Variants in RET observed in about 807,000 individuals in gnomAD.
The protein encoded by RET is proto-oncogene tyrosine-protein kinase receptor Ret.
Under a neutral mutation model 118.3 loss-of-function variants are expected in RET, and 19 were observed. The observed-to-expected ratio is 0.16, with a 90% CI of 0.11 to 0.24. The LOEUF (loss-of-function observed/expected upper bound fraction) is 0.24, where lower values mean the gene tolerates loss of function less well. RET is among the 10% of genes least tolerant of loss of function. The pLI is 1.00. For missense variants in RET, 1,219 were observed against 1,502.1 expected, an observed-to-expected ratio of 0.81 and a Z score of 3.12; for synonymous variants, 597 against 644.1, an observed-to-expected ratio of 0.93 and a Z score of 1.11.
chr10:43,082,452 G>C (rs1408909816), intron 1 of RET, among the ~76,000 whole-genome samples: 5 of 152,220 alleles, frequency 3.3e-5, no homozygotes, highest in Non-Finnish European at 5.9e-5. Context: ...GTGGACCAGC[G>C]GGCATAGGCT....
intron 2 of RET, among the ~76,000 whole-genome samples, chr10:43,101,222 A>T (rs1837635712): frequency 6.7e-6 from 1 of 150,174 alleles, no homozygotes; most frequent in Non-Finnish European, 1.5e-5. Flanking sequence ...AGTCACGGCC[A>T]CATGTGACAT....
rs1432751223 is a variant in RET, at chr10:43,105,073, G to A, written c.747G>A (p.Ala249=). 4 of 1,610,642 alleles carry A rather than the reference G, an allele frequency of 2.5e-6. No homozygotes were observed. The highest frequency in any genetic ancestry group is 1.1e-5 in the South Asian group (1 of 91,008). Residue 249 remains alanine, a synonymous_variant, in exon 4 of 20, where the codon GCG becomes GCA. Transcript: ENST00000355710. The stretch of plus-strand genomic sequence containing the variant: ...CCGTGTGCACCGTGCACGCCGGCGC[G>A]CGCGAGGAGGTGGTGATGGTGCCCT... The part of the protein sequence containing the change: ...LVAVCTVHAG[A]REEVVMVPFP...
intron 3 of RET, chr10:43,102,865 G>A: frequency 1.7e-6 from 1 of 600,602 alleles, no homozygotes; most frequent in Non-Finnish European, 2.9e-6. Flanking sequence ...TCATTCTTGT[G>A]GGGCAGACAG....
In RET at chr10:43,102,569, C is replaced by G. The variant is rs1210452561; in HGVS notation, c.565C>G (p.Arg189Gly). 3.7e-6 allele frequency: 6 copies of G among 1,614,118 alleles called. No individual in the cohort carries two copies. Among genetic ancestry groups the G allele is most frequent in the Non-Finnish European group, 5.1e-6 (6 of 1,180,056 alleles). Residue 189 changes from arginine to glycine, a missense_variant, in exon 3 of 20, where the codon CGC becomes GGC. Coordinates refer to ENST00000355710, the MANE Select transcript of RET (RefSeq NM_020975.6). Reference sequence around the variant, plus strand: ...ACCCCCAGGCACCTTCCACCAGTTCCGCCTGCTGCCTGTGCAGTTCTTGTG... The same window carrying G: ...ACCCCCAGGCACCTTCCACCAGTTCGGCCTGCTGCCTGTGCAGTTCTTGTG... ...NRPPGTFHQF[R>G]LLPVQFLCPN...
intron 5 of RET, among the ~76,000 whole-genome samples, chr10:43,107,308 C>T (rs1326234128): frequency 1.3e-5 from 2 of 152,210 alleles, no homozygotes; most frequent in Admixed American, 6.5e-5. Flanking sequence ...GCCTCCTTGC[C>T]CTGGCACTGA....
intron 1 of RET, among the ~76,000 whole-genome samples, chr10:43,081,425 G>T (rs1454578341): frequency 6.6e-6 from 1 of 152,236 alleles, no homozygotes; most frequent in African/African-American, 2.4e-5. Flanking sequence ...GCTGTCTCAT[G>T]GCAGGGAGAG....
At chr10:43,113,058 C>T in intron 9 of RET, 95 bp downstream of exon 9, 1 of 951,082 alleles carries the variant, frequency 1.1e-6, no homozygotes, top group Admixed American at 1.9e-5. Context: ...CCAGGGCTGT[C>T]AGTTCTATGC....
chr10:43,101,015 A>T (rs1211545247), intron 2 of RET, among the ~76,000 whole-genome samples: 2 of 152,166 alleles, frequency 1.3e-5, no homozygotes, highest in Non-Finnish European at 2.9e-5. Flanking sequence ...AAGGATTAGG[A>T]GGTTTCGAGA....
At chr10:43,113,503 G>C in intron 9 of RET, 53 bp from the exon 10 acceptor site, 1 of 1,554,958 alleles carries the variant, frequency 6.4e-7, no homozygotes, top group Non-Finnish European at 8.7e-7. Context: ...AAATATGGGC[G>C]CCTGGGGTGG....
At position 43,114,581 on chromosome 10, in the gene RET, C is replaced by T. The variant is rs2132848583; in HGVS notation, c.1981C>T (p.His661Tyr). 1 of 1,612,772 alleles carries T rather than the reference C, an allele frequency of 6.2e-7. No individual in the cohort carries two copies. Among genetic ancestry groups the T allele is most frequent in the Non-Finnish European group, 8.5e-7 (1 of 1,180,002 alleles). ...GTCTGCCTTCTGCATCCACTGCTAC[C>T]ACAAGTTTGCCCACAAGCCACCCAT... The part of the protein sequence containing the change: ...LLSAFCIHCY[H>Y]KFAHKPPISS... The change falls in exon 11 of 20, where the codon CAC (histidine) becomes TAC (tyrosine). Residue 661 changes from histidine to tyrosine, a missense_variant. Transcript: ENST00000355710. The surrounding 1 kb of genome is among the most constrained non-coding windows in gnomAD (Gnocchi z 4.6).
At chr10:43,094,201 C>T (rs3128726) in intron 1 of RET, among the ~76,000 whole-genome samples, 1 of 151,500 alleles carries the variant, frequency 6.6e-6, no homozygotes, top group African/African-American at 2.4e-5. Context: ...CGGGGACCGC[C>T]TCTTTCCACC....
At position 43,104,965 on chromosome 10, in the gene RET, C is replaced by G; in HGVS notation, c.639C>G (p.Pro213=). 6.4e-7 allele frequency: 1 copy of G among 1,569,294 alleles called. No individual in the cohort carries two copies. Among genetic ancestry groups the G allele is most frequent in the South Asian group, 1.2e-5 (1 of 86,864 alleles). The change falls in exon 4 of 20, where the codon CCC becomes CCG. Residue 213 remains proline (P), a synonymous_variant. Transcript: ENST00000355710. ...CTTGGTGCGCAGGTGAGGGTCTGCCCTTCCGCTGCGCCCCGGACAGCCTGG... is the reference window on the plus strand; with the variant it reads ...CTTGGTGCGCAGGTGAGGGTCTGCCGTTCCGCTGCGCCCCGGACAGCCTGG... The part of the protein sequence containing the change: ...AYRLLEGEGL[P]FRCAPDSLEV...
Position 43,113,559 on chromosome 10 carries a change from G to T in RET, c.1763G>T (p.Gly588Val). ...INICPQDCLR[G>V]SIVGGHEPGE... ...AGTGGGCTACGTCTGCCCTCAGGGG[G>T]CAGCATTGTTGGGGGACACGAGCCT... The change falls in exon 10 of 20, where the codon GGC (glycine) becomes GTC (valine). Residue 588 changes from glycine (G) to valine (V), a missense_variant. By Grantham distance (109) the Gly-to-Val change is moderately radical. Coordinates refer to ENST00000355710, the MANE Select transcript of RET (RefSeq NM_020975.6). 2 of 1,606,932 alleles carry T rather than the reference G, an allele frequency of 1.2e-6. No homozygotes were observed. Among genetic ancestry groups the T allele is most frequent in the Non-Finnish European group, 1.7e-6 (2 of 1,177,830 alleles).
chr10:43,098,421 CTTTT>C (rs36075879), intron 1 of RET, among the ~76,000 whole-genome samples: 3 of 129,778 alleles, frequency 2.3e-5, no homozygotes, highest in Non-Finnish European at 3.2e-5. Flanking sequence ...GATTTTCCTC[CTTTT>C]TTTTTTTTTT....
intron 16 of RET, among the ~76,000 whole-genome samples, 178 bp downstream of exon 16, chr10:43,122,194 C>A (rs558584657): frequency 6.6e-6 from 1 of 152,146 alleles, no homozygotes; most frequent in South Asian, 2.1e-4. Context: ...ATGATGTGTT[C>A]GTGAGGCAAA....
chr10:43,095,992 G>A (rs934083940), intron 1 of RET, among the ~76,000 whole-genome samples: 16 of 152,168 alleles, frequency 1.1e-4, no homozygotes, highest in African/African-American at 3.4e-4. Context: ...TTGCACCGTC[G>A]GTGGGTGTGG....
intron 3 of RET, among the ~76,000 whole-genome samples, chr10:43,103,547 A>C (rs910860160): frequency 2.6e-5 from 4 of 152,178 alleles, no homozygotes; most frequent in African/African-American, 9.7e-5. Context: ...GTGGGGCTCA[A>C]CCAGGTCACA....
At position 43,100,718 on chromosome 10, in the gene RET, C is replaced by G. The variant is rs772779267; in HGVS notation, c.333C>G (p.Val111=). Residue 111 remains valine, a synonymous_variant, in exon 2 of 20, where the codon GTC becomes GTG. Coordinates refer to ENST00000355710, the MANE Select transcript of RET (RefSeq NM_020975.6). The part of the protein sequence containing the change: ...LDHSSWEKLS[V]RNRGFPLLTV... ...ATAGCTCCTGGGAGAAGCTCAGTGT[C>G]CGCAGTAAGGGAGCCGCCCCAACAC... is the stretch of plus-strand genomic sequence containing the variant. 3.8e-5 allele frequency: 60 copies of G among 1,597,698 alleles called. No homozygotes were observed. The highest frequency in any genetic ancestry group is 4.9e-5 in the Non-Finnish European group (57 of 1,172,704).
At chr10:43,104,921 C>G (rs778290150) in intron 3 of RET, 31 bp from the exon 4 acceptor site, 176 of 1,546,366 alleles carry the variant, frequency 1.1e-4, no homozygotes, top group Admixed American at 1.5e-4. Context: ...GGCTGGTGAT[C>G]ACGCGGGGCC....
Sources: gnomAD v4.1 joint callset for allele counts (sites outside exome capture counted in the v4.1 genomes callset) on GRCh38, gnomAD v4.1.1 for gene constraint, Gnocchi (gnomAD v3.1) non-coding constraint, MANE v1.5 for transcripts, NCBI Gene and HGNC (gene_info 2026-07-23, HGNC 2026-07-21) for gene names.